Variants in NLGN1 observed in about 807,000 individuals in gnomAD.
NLGN1 encodes neuroligin-1.
NLGN1 carries 12 observed loss-of-function variants against 65.5 expected under a neutral mutation model. That is an observed-to-expected ratio of 0.18 (90% CI 0.12 to 0.30). The LOEUF (loss-of-function observed/expected upper bound fraction) is 0.30. Ranked by LOEUF, NLGN1 falls within the 10% of genes least tolerant of loss-of-function variation. NLGN1 has a pLI of 1.00. For missense variants in NLGN1, 750 were observed against 1,007.1 expected, an observed-to-expected ratio of 0.74 and a Z score of 3.46; for synonymous variants, 350 against 359.5, an observed-to-expected ratio of 0.97 and a Z score of 0.30.
At chr3:173,491,984 C>T (rs1448417216) in intron 2 of NLGN1, among the ~76,000 whole-genome samples, 1 of 151,672 alleles carries the variant, frequency 6.6e-6, no homozygotes, top group Non-Finnish European at 1.5e-5. Flanking sequence ...TTATTATTCT[C>T]ACTTGAGTGC....
intron 4 of NLGN1, among the ~76,000 whole-genome samples, chr3:173,894,645 T>C (rs1275036483): frequency 6.6e-6 from 1 of 151,424 alleles, no homozygotes; most frequent in Non-Finnish European, 1.5e-5. Context: ...TTTTTTTTTT[T>C]TTTGAGATAG....
intron 4 of NLGN1, among the ~76,000 whole-genome samples, chr3:173,932,591 C>T (rs375118922): frequency 2.0e-5 from 3 of 151,970 alleles, no homozygotes; most frequent in South Asian, 2.1e-4. Context: ...AATACTATTG[C>T]TCAGGAGAAT....
intron 4 of NLGN1, among the ~76,000 whole-genome samples, chr3:173,896,167 A>T (rs1247787050): frequency 6.6e-6 from 1 of 152,166 alleles, no homozygotes; most frequent in Non-Finnish European, 1.5e-5. Context: ...TCTAGTAGGA[A>T]TACACTAGCT....
At chr3:173,539,668 C>CATATATAACATATATGTATATCTGT (rs1560406286) in intron 2 of NLGN1, among the ~76,000 whole-genome samples, 1 of 66,052 alleles carries the variant, frequency 1.5e-5, no homozygotes, top group African/African-American at 3.7e-5. Flanking sequence ...TGTATATATG[C>CATATATAACATATATGTATATCTGT]ACATATATAA....
intron 4 of NLGN1, among the ~76,000 whole-genome samples, chr3:174,195,984 T>C (rs1451945652): frequency 2.0e-5 from 3 of 152,166 alleles, no homozygotes; most frequent in Admixed American, 6.5e-5. Context: ...CTTAATGCTC[T>C]GTCAAGATTG....
intron 2 of NLGN1, among the ~76,000 whole-genome samples, chr3:173,590,713 A>G (rs1212123190): frequency 6.6e-6 from 1 of 152,234 alleles, no homozygotes; most frequent in Non-Finnish European, 1.5e-5. Context: ...TAAAAAATGT[A>G]TAATCAGTAG....
intron 2 of NLGN1, among the ~76,000 whole-genome samples, chr3:173,502,184 G>T (rs1731243042): frequency 6.6e-6 from 1 of 152,084 alleles, no homozygotes. Flanking sequence ...ATTATCAAGA[G>T]TGGATATTCT....
intron 4 of NLGN1, among the ~76,000 whole-genome samples, chr3:173,965,801 G>T (rs771719139): frequency 6.6e-6 from 1 of 152,078 alleles, no homozygotes; most frequent in South Asian, 2.1e-4. Flanking sequence ...CACACTAAAG[G>T]AGCTAAGAGC....
chr3:173,747,509 T>C (rs1430363662), intron 3 of NLGN1, among the ~76,000 whole-genome samples: 1 of 150,312 alleles, frequency 6.7e-6, no homozygotes, highest in East Asian at 1.9e-4. Context: ...TAGGATGGTT[T>C]GTCCCTGCAT....
chr3:173,928,769 T>A (rs2152280301), intron 4 of NLGN1, among the ~76,000 whole-genome samples: 1 of 151,810 alleles, frequency 6.6e-6, no homozygotes. Flanking sequence ...CCTCCTGGGT[T>A]CAAGAGATTC....
chr3:174,143,979 C>T (rs897627592), intron 4 of NLGN1, among the ~76,000 whole-genome samples: 1 of 152,072 alleles, frequency 6.6e-6, no homozygotes, highest in Non-Finnish European at 1.5e-5. Flanking sequence ...AGGTTTGTTA[C>T]ATAGGTATAC....
At chr3:173,651,902 C>T (rs1006502106) in intron 3 of NLGN1, among the ~76,000 whole-genome samples, 1 of 152,108 alleles carries the variant, frequency 6.6e-6, no homozygotes, top group Admixed American at 6.6e-5. Flanking sequence ...AAGCGATTCT[C>T]CTGCCTCAGC....
chr3:173,994,593 GC>G (rs1226285995), intron 4 of NLGN1, among the ~76,000 whole-genome samples: 2 of 150,824 alleles, frequency 1.3e-5, no homozygotes, highest in Non-Finnish European at 2.9e-5. Flanking sequence ...TTAAGCTCAT[GC>G]GTGATTCATG....
At chr3:173,991,663 T>C (rs1315509488) in intron 4 of NLGN1, among the ~76,000 whole-genome samples, 1 of 152,188 alleles carries the variant, frequency 6.6e-6, no homozygotes, top group East Asian at 1.9e-4. Context: ...AAGTACAAAG[T>C]AGGAGAAAGA....
intron 3 of NLGN1, among the ~76,000 whole-genome samples, chr3:173,723,098 A>G (rs1771134873): frequency 6.6e-6 from 1 of 152,154 alleles, no homozygotes; most frequent in Non-Finnish European, 1.5e-5. Flanking sequence ...TGTGTGACAC[A>G]AGGGTTCATG....
At chr3:174,182,447 A>G (rs1730622629) in intron 4 of NLGN1, among the ~76,000 whole-genome samples, 1 of 152,130 alleles carries the variant, frequency 6.6e-6, no homozygotes, top group Admixed American at 6.6e-5. Flanking sequence ...CCAGGACACT[A>G]TAATGTGGGC....
At chr3:173,404,273 G>A (rs1339964663) in intron 1 of NLGN1, among the ~76,000 whole-genome samples, 6 of 152,050 alleles carry the variant, frequency 3.9e-5, no homozygotes, top group African/African-American at 1.4e-4. Flanking sequence ...GAAAAGAATG[G>A]GGTTGATATC....
intron 3 of NLGN1, among the ~76,000 whole-genome samples, chr3:173,610,999 AT>A (rs1484771356): frequency 2.6e-5 from 4 of 152,018 alleles, no homozygotes; most frequent in Non-Finnish European, 5.9e-5. Context: ...CTGGAACAGT[AT>A]CCTTCAGTAG....
At chr3:174,063,202 T>TG (rs1363667536) in intron 4 of NLGN1, among the ~76,000 whole-genome samples, 1 of 152,174 alleles carries the variant, frequency 6.6e-6, no homozygotes, top group Non-Finnish European at 1.5e-5. Flanking sequence ...GAATGACATC[T>TG]GAAAAATGTT....
Sources: gnomAD v4.1 joint callset for allele counts (sites outside exome capture counted in the v4.1 genomes callset) on GRCh38, gnomAD v4.1.1 for gene constraint, MANE v1.5 for transcripts, NCBI Gene and HGNC (gene_info 2026-07-23, HGNC 2026-07-21) for gene names.